BDP1: variants seen among roughly 807,000 people sequenced by gnomAD.
BDP1 encodes transcription factor TFIIIB component B'' homolog.
In BDP1, 169 loss-of-function variants were observed where a neutral mutation model predicts 266.6. The ratio of observed to expected loss-of-function variants is 0.63; its 90% confidence interval spans 0.56 to 0.72. The LOEUF is 0.72. Ranked by LOEUF, BDP1 falls within the 30% of genes least tolerant of loss-of-function variation. The probability of loss-of-function intolerance (pLI) is 0.00; values close to 1 mark genes in which losing one functional copy is unlikely to be tolerated. For synonymous variants in BDP1, 1,090 were observed against 1,022.4 expected (o/e 1.07, Z -1.26); for missense variants, 3,015 against 3,053.8 (o/e 0.99, Z 0.30).
chr5:71,489,832 T>G (rs1272848945), intron 10 of BDP1, 150 bp downstream of exon 10: 1 of 566,754 alleles, frequency 1.8e-6, no homozygotes, highest in African/African-American at 1.9e-5. Context: ...ACGCTGTTTA[T>G]TTTTAATTAA....
At chr5:71,570,612 CTA>C (rs1744233707), downstream of BDP1, among the ~76,000 whole-genome samples, 1 of 152,258 alleles carries the variant, frequency 6.6e-6, no homozygotes, top group Non-Finnish European at 1.5e-5. Flanking sequence ...TAAAAATACA[CTA>C]TGTCAATCCT....
At chr5:71,499,858 T>A (rs1193306953) in intron 13 of BDP1, among the ~76,000 whole-genome samples, 7 of 152,178 alleles carry the variant, frequency 4.6e-5, no homozygotes, top group Admixed American at 4.6e-4. Flanking sequence ...AAGTATAAAT[T>A]TCTAGAGACG....
At chr5:71,514,021 GA>G (rs2150484287) in intron 19 of BDP1, among the ~76,000 whole-genome samples, 1 of 152,202 alleles carries the variant, frequency 6.6e-6, no homozygotes, top group African/African-American at 2.4e-5. Flanking sequence ...CGCCCAGCGA[GA>G]ATAATCGTTT....
chr5:71,539,644 G>GTGA lies in BDP1; in HGVS notation c.6020_6022dup (p.Asp2007dup). The GTGA allele has an allele frequency of 6.2e-7, 1 of 1,602,874 alleles. No homozygotes were observed. The highest frequency in any genetic ancestry group is 8.5e-7 in the Non-Finnish European group (1 of 1,172,748). ...CAGTCAGAGATCAGTAGTGAACAGG[G>GTGA]TGATGGTAAGAATGAAAGCTAAGTC... is the stretch of plus-strand genomic sequence containing the variant. On this transcript the variant is annotated inframe_insertion, in exon 28 of 39. Coordinates refer to ENST00000358731, the MANE Select transcript of BDP1 (RefSeq NM_018429.3).
chr5:71,466,281 A>G, intron 5 of BDP1, 60 bp downstream of exon 5: 20 of 1,588,844 alleles, frequency 1.3e-5, no homozygotes, highest in Non-Finnish European at 1.7e-5. Context: ...TGCTTTGTCT[A>G]GTGAAAGAGG....
At chr5:71,488,832 C>T (rs967828983) in intron 9 of BDP1, among the ~76,000 whole-genome samples, 2 of 151,926 alleles carry the variant, frequency 1.3e-5, no homozygotes, top group Non-Finnish European at 1.5e-5. Flanking sequence ...CTCAGCCTCC[C>T]GAGCAGCTGG....
chr5:71,548,814 T>A, intron 33 of BDP1, 69 bp downstream of exon 33: 1 of 1,122,012 alleles, frequency 8.9e-7, no homozygotes, highest in East Asian at 2.4e-5. Context: ...TATTTAACTA[T>A]GGAAAAACAT....
At chr5:71,533,527 A>G (rs912270518) in intron 26 of BDP1, among the ~76,000 whole-genome samples, 1 of 148,168 alleles carries the variant, frequency 6.7e-6, no homozygotes, top group African/African-American at 2.5e-5. Flanking sequence ...GTGCAGTAAC[A>G]CAATTGTAGC....
rs139646543 is a variant in BDP1, at chr5:71,513,209, G to A, written c.4272G>A (p.Lys1424=). 1.1e-3 allele frequency: 1,813 copies of A among 1,612,540 alleles called. 26 individuals are homozygous for A. The African/African-American group carries it at 0.022, about 20-fold the overall frequency. ...GCAAATCTCTTCCTCAAGAACAGAA[G>A]CCACTTGAAATTAAACCAGCACCTT... The part of the protein sequence containing the change: ...NLSKSLPQEQ[K]PLEIKPAPFV... Residue 1424 remains lysine, a synonymous_variant, in exon 19 of 39, where the codon AAG becomes AAA. Coordinates refer to ENST00000358731, the MANE Select transcript of BDP1 (RefSeq NM_018429.3).
rs779932785 is a variant in BDP1 at position 71,456,111 on chromosome 5, A to G, written c.212+22A>G. The G allele has an allele frequency of 3.1e-6, 5 of 1,598,462 alleles. No homozygotes were observed. In the South Asian group the frequency reaches 4.4e-5, roughly 14 times the overall value. ...GCAGGTAAGAGGTTGCAGAGGGAAG[A>G]ATTTTCATTTGTCCCGCCTCTCCGG... On this transcript the variant is annotated intron_variant, in intron 1 of 38. Transcript: ENST00000358731.
chr5:71,479,503 T>G (rs1487679227), intron 7 of BDP1, among the ~76,000 whole-genome samples: 1 of 152,150 alleles, frequency 6.6e-6, no homozygotes, highest in African/African-American at 2.4e-5. Flanking sequence ...CTGTTTCTTT[T>G]TTTCTTTTTT....
chr5:71,527,901 C>G (rs1046216184), intron 25 of BDP1, among the ~76,000 whole-genome samples: 50 of 151,668 alleles, frequency 3.3e-4, no homozygotes, highest in African/African-American at 1.2e-3. Context: ...TCACTGTAAC[C>G]TCCATCTCCC....
chr5:71,500,692 G>C (rs762166671), intron 13 of BDP1, among the ~76,000 whole-genome samples: 6 of 151,658 alleles, frequency 4.0e-5, no homozygotes, highest in Non-Finnish European at 7.4e-5. Context: ...TCTCCTTACA[G>C]ATTTTCTTTT....
intron 32 of BDP1, among the ~76,000 whole-genome samples, chr5:71,547,361 C>T (rs1198422614): frequency 1.3e-5 from 2 of 152,006 alleles, no homozygotes; most frequent in African/African-American, 4.8e-5. Context: ...TTACTAGATT[C>T]AACTTACATA....
chr5:71,498,725 CTTTT>C (rs901220175), intron 13 of BDP1, among the ~76,000 whole-genome samples: 5 of 122,226 alleles, frequency 4.1e-5, no homozygotes, highest in South Asian at 2.6e-4. Context: ...CGCCTGCCGT[CTTTT>C]TTTTTTTTTT....
chr5:71,515,407 C>T (rs1450734982), intron 20 of BDP1, among the ~76,000 whole-genome samples: 15 of 151,986 alleles, frequency 9.9e-5, no homozygotes, highest in Admixed American at 9.8e-4. Context: ...TGAAATGTGC[C>T]ACAATTTAAA....
chr5:71,506,284 A>G (rs183093610), intron 16 of BDP1, among the ~76,000 whole-genome samples: 4 of 152,212 alleles, frequency 2.6e-5, no homozygotes, highest in African/African-American at 9.6e-5. Flanking sequence ...GGGCAGTGTC[A>G]TTTTTGCTTT....
At chr5:71,549,366 A>G (rs920916459) in intron 33 of BDP1, 54 bp from the exon 34 acceptor site, 1 of 1,317,234 alleles carries the variant, frequency 7.6e-7, no homozygotes, top group Admixed American at 2.2e-5. Flanking sequence ...AATTAATGAT[A>G]CTCTGTTATT....
At chr5:71,506,152 T>C (rs1451436558) in intron 16 of BDP1, among the ~76,000 whole-genome samples, 1 of 152,100 alleles carries the variant, frequency 6.6e-6, no homozygotes. Flanking sequence ...TAAACTAGAG[T>C]CTATTAATAG....
Sources: gnomAD v4.1 joint callset for allele counts (sites outside exome capture counted in the v4.1 genomes callset) on GRCh38, gnomAD v4.1.1 for gene constraint, MANE v1.5 for transcripts, NCBI Gene and HGNC (gene_info 2026-07-23, HGNC 2026-07-21) for gene names.